The following ITPR2 variants were observed in gnomAD, a reference collection of about 807,000 sequenced individuals.
ITPR2 encodes the protein inositol 1,4,5-trisphosphate-gated calcium channel ITPR2.
In ITPR2, 207 loss-of-function variants were observed where a neutral mutation model predicts 317.1. The ratio of observed to expected loss-of-function variants is 0.65; its 90% CI spans 0.58 to 0.73. The LOEUF is 0.73. Among genes scored for constraint, ITPR2 ranks in the 30% least tolerant of loss-of-function variants. The pLI, the probability that ITPR2 is intolerant of heterozygous loss-of-function variation, is 0.00. For missense variants in ITPR2, 2,613 were observed against 3,284.0 expected, an observed-to-expected ratio of 0.80 and a Z score of 4.99; for synonymous variants, 1,156 against 1,149.1, an observed-to-expected ratio of 1.01 and a Z score of -0.12.
rs1171134447 is a variant in ITPR2, at chr12:26,335,454, G to A, written c.*3943C>T. The stretch of plus-strand genomic sequence containing the variant: ...CAAATATAACAATCCTCTACTGCAG[G>A]AGAGAAAGTCTTCTTGGTGATATGA... On this transcript the variant is annotated 3_prime_UTR_variant, in exon 57 of 57. Coordinates refer to ENST00000381340, the MANE Select transcript of ITPR2 (RefSeq NM_002223.4). 1.3e-5 allele frequency among the ~76,000 whole-genome samples: 2 copies of A among 152,138 alleles called. No individual in the cohort carries two copies. Among genetic ancestry groups the A allele is most frequent in the African/African-American group, 4.8e-5 (2 of 41,408 alleles).
chr12:26,439,262 C>A lies in ITPR2; in HGVS notation c.6508G>T (p.Glu2170Ter). 3 of 1,612,742 alleles carry A rather than the reference C, an allele frequency of 1.9e-6. No homozygotes were observed. Among genetic ancestry groups the A allele is most frequent in the Non-Finnish European group, 2.5e-6 (3 of 1,179,382 alleles). Residue 2170 changes from glutamate (E) to a stop codon, truncating the protein, a stop_gained, in exon 47 of 57, where the codon GAA becomes TAA. Coordinates refer to ENST00000381340, the MANE Select transcript of ITPR2 (RefSeq NM_002223.4). LOFTEE classifies it high-confidence loss of function. ...CACTTGGATTCTCGAGTGAGGTATT[C>A]ACATATATTGGGGACAGGAAAAACT... ...QIVFPVPNIC[E>*]YLTRESKCRV...
chr12:26,670,741 C>G (rs1237896096), intron 13 of ITPR2, among the ~76,000 whole-genome samples: 1 of 152,148 alleles, frequency 6.6e-6, no homozygotes, highest in Non-Finnish European at 1.5e-5. Context: ...TTCAGACGAT[C>G]AAACTACTCC....
intron 30 of ITPR2, among the ~76,000 whole-genome samples, chr12:26,597,385 G>C (rs565009440): frequency 1.3e-5 from 2 of 152,044 alleles, no homozygotes; most frequent in Non-Finnish European, 2.9e-5. Context: ...GAAACAACAT[G>C]GATGAAAGTA....
chr12:26,624,279 A>G lies in ITPR2; in HGVS notation c.3122+20T>C, dbSNP rs1946567025. 6.7e-7 allele frequency: 1 copy of G among 1,502,442 alleles called. No homozygotes were observed. The highest frequency in any genetic ancestry group is 9.2e-7 in the Non-Finnish European group (1 of 1,083,480). 93.1% of individuals were successfully genotyped at this position (1,502,442 alleles called of 1,614,324 possible). On this transcript the variant is annotated intron_variant, in intron 24 of 56. Coordinates refer to ENST00000381340, the MANE Select transcript of ITPR2 (RefSeq NM_002223.4). The stretch of plus-strand genomic sequence containing the variant: ...AATGTTATTCACAAGTAAGATAAAG[A>G]TATATAAATGTTACTATACCTTCCC...
chr12:26,763,756 T>C (rs891943943), intron 2 of ITPR2, among the ~76,000 whole-genome samples: 6 of 152,096 alleles, frequency 3.9e-5, no homozygotes, highest in African/African-American at 1.4e-4. Flanking sequence ...TGAAGGGACT[T>C]ATATGATTAC....
At chr12:26,425,630 T>C (rs1941035553) in intron 49 of ITPR2, among the ~76,000 whole-genome samples, 1 of 147,610 alleles carries the variant, frequency 6.8e-6, no homozygotes, top group African/African-American at 2.5e-5. Flanking sequence ...ATCACGCCAC[T>C]GCACTCCAGT....
At chr12:26,564,479 T>C (rs1289192405) in intron 34 of ITPR2, among the ~76,000 whole-genome samples, 1 of 152,156 alleles carries the variant, frequency 6.6e-6, no homozygotes, top group East Asian at 1.9e-4. Context: ...CCCCAAAAAG[T>C]ATATGTTGAA....
At chr12:26,670,715 G>A (rs551259357) in intron 13 of ITPR2, among the ~76,000 whole-genome samples, 34 of 152,218 alleles carry the variant, frequency 2.2e-4, no homozygotes, top group Non-Finnish European at 4.1e-4. Context: ...ACTTTTACGA[G>A]TTGAGAGAAG....
At chr12:26,568,891 C>T (rs918322919) in intron 34 of ITPR2, among the ~76,000 whole-genome samples, 1 of 152,154 alleles carries the variant, frequency 6.6e-6, no homozygotes, top group African/African-American at 2.4e-5. Context: ...TTCATCTTTC[C>T]TGTTTGGCAC....
At chr12:26,708,447 C>T (rs981620341) in intron 9 of ITPR2, among the ~76,000 whole-genome samples, 2 of 152,170 alleles carry the variant, frequency 1.3e-5, no homozygotes, top group Admixed American at 1.3e-4. Flanking sequence ...TCATTTGCAA[C>T]AATATGGATA....
intron 4 of ITPR2, among the ~76,000 whole-genome samples, chr12:26,724,101 G>C (rs955198218): frequency 2.0e-5 from 3 of 152,034 alleles, no homozygotes; most frequent in African/African-American, 7.2e-5. Context: ...TCTGTATTTT[G>C]GAAAGTGCCT....
intron 1 of ITPR2, among the ~76,000 whole-genome samples, chr12:26,815,470 T>C (rs576669649): frequency 1.3e-5 from 2 of 152,376 alleles, no homozygotes; most frequent in East Asian, 3.9e-4. Flanking sequence ...TTTCTATTAC[T>C]ATGTTCTAAT....
At chr12:26,702,407 GT>G (rs58188800) in intron 9 of ITPR2, among the ~76,000 whole-genome samples, 13,110 of 90,660 alleles carry the variant, frequency 0.14, 1,610 homozygotes, top group African/African-American at 0.25. Context: ...GGGGGCGGGG[GT>G]GGGGGGTTGG....
intron 37 of ITPR2, among the ~76,000 whole-genome samples, chr12:26,500,746 T>C (rs564577632): frequency 3.3e-5 from 5 of 152,274 alleles, no homozygotes; most frequent in African/African-American, 1.2e-4. Context: ...GCATCAAAAA[T>C]TAAAAAGTTC....
At chr12:26,394,050 G>T (rs1307622661) in intron 54 of ITPR2, among the ~76,000 whole-genome samples, 1 of 152,136 alleles carries the variant, frequency 6.6e-6, no homozygotes, top group African/African-American at 2.4e-5. Flanking sequence ...TTAAAGAAGA[G>T]AAATTAACAT....
intron 18 of ITPR2, among the ~76,000 whole-genome samples, chr12:26,657,374 T>G (rs1026792900): frequency 2.0e-5 from 3 of 152,156 alleles, no homozygotes; most frequent in African/African-American, 7.2e-5. Context: ...TTTCCTTAGC[T>G]CCATGTCTAT....
intron 48 of ITPR2, among the ~76,000 whole-genome samples, chr12:26,429,172 G>C (rs900125102): frequency 6.6e-6 from 1 of 152,156 alleles, no homozygotes; most frequent in African/African-American, 2.4e-5. Context: ...TAACATCTCA[G>C]AAATAGGCAG....
intron 55 of ITPR2, among the ~76,000 whole-genome samples, chr12:26,373,196 C>T (rs1939237578): frequency 2.0e-5 from 3 of 152,218 alleles, no homozygotes; most frequent in East Asian, 1.9e-4. Context: ...ATTAATATAC[C>T]CACAACTTCA....
intron 26 of ITPR2, among the ~76,000 whole-genome samples, chr12:26,605,126 AATAT>A (rs71069256): frequency 0.14 from 19,181 of 136,262 alleles, 1,991 homozygotes; most frequent in Admixed American, 0.2. Flanking sequence ...AAAAAATAAA[AATAT>A]ATATATATAT....
Sources: gnomAD v4.1 joint callset for allele counts (sites outside exome capture counted in the v4.1 genomes callset) on GRCh38, gnomAD v4.1.1 for gene constraint, MANE v1.5 for transcripts, NCBI Gene and HGNC (gene_info 2026-07-23, HGNC 2026-07-21) for gene names.